The following KLHL32 variants were observed in gnomAD, a reference collection of about 807,000 sequenced individuals.
KLHL32 encodes the protein kelch like family member 32.
In KLHL32, 35 loss-of-function variants were observed where a neutral mutation model predicts 64.8. That is an observed-to-expected ratio of 0.54 (90% CI 0.41 to 0.72). The LOEUF (loss-of-function observed/expected upper bound fraction) is 0.72. KLHL32 is among the 30% of genes least tolerant of loss of function. The pLI is 0.00. For missense variants in KLHL32, 589 were observed against 768.5 expected, an observed-to-expected ratio of 0.77 and a Z score of 2.76; for synonymous variants, 259 against 281.0, an observed-to-expected ratio of 0.92 and a Z score of 0.78.
chr6:96,898,507 G>A, the KLHL32 span, among the ~76,000 whole-genome samples: 3 of 151,922 alleles, frequency 2.0e-5, no homozygotes, highest in South Asian at 4.2e-4. Context: ...TTTACATCCC[G>A]TTCTCATTTG....
At chr6:96,989,930 C>T (rs188880323) in intron 3 of KLHL32, among the ~76,000 whole-genome samples, 175 of 152,294 alleles carry the variant, frequency 1.1e-3, no homozygotes, top group African/African-American at 4.1e-3. Context: ...TGTTTGTCAG[C>T]TCTATCAGAT....
chr6:96,928,790 A>G (rs1769487414), intron 1 of KLHL32, among the ~76,000 whole-genome samples: 1 of 152,238 alleles, frequency 6.6e-6, no homozygotes, highest in African/African-American at 2.4e-5. Flanking sequence ...AAATTAGATG[A>G]TAAAAGATGT....
chr6:96,916,802 A>T, the KLHL32 span, among the ~76,000 whole-genome samples: 1 of 152,322 alleles, frequency 6.6e-6, no homozygotes, highest in South Asian at 2.1e-4. Context: ...ATGATTTATG[A>T]CCCAGATTAT....
intron 3 of KLHL32, among the ~76,000 whole-genome samples, chr6:97,010,527 A>G (rs965121454): frequency 5.3e-5 from 8 of 152,190 alleles, no homozygotes; most frequent in African/African-American, 1.9e-4. Context: ...ACTATTTCTG[A>G]TTATATATCA....
chr6:97,015,716 G>C (rs1347049998), intron 3 of KLHL32, among the ~76,000 whole-genome samples: 1 of 152,170 alleles, frequency 6.6e-6, no homozygotes, highest in Non-Finnish European at 1.5e-5. Context: ...AAGTAACAAG[G>C]AGCAGAATGT....
intron 1 of KLHL32, among the ~76,000 whole-genome samples, chr6:96,947,024 A>G (rs1238208259): frequency 6.6e-6 from 1 of 152,224 alleles, no homozygotes. Flanking sequence ...TTCTTGATTT[A>G]AAGCATTTGT....
intron 8 of KLHL32, among the ~76,000 whole-genome samples, chr6:97,128,521 C>T (rs116902294): frequency 7.2e-5 from 11 of 152,306 alleles, no homozygotes; most frequent in South Asian, 2.1e-4. Context: ...ATATTGTTTA[C>T]GGTGGGTACT....
intron 5 of KLHL32, among the ~76,000 whole-genome samples, chr6:97,076,153 A>G (rs1270378735): frequency 5.9e-5 from 9 of 152,174 alleles, no homozygotes; most frequent in Admixed American, 3.3e-4. Flanking sequence ...TAATGTCTCT[A>G]TCTGTTCTCC....
At chr6:96,946,232 A>G (rs1437290863) in intron 1 of KLHL32, among the ~76,000 whole-genome samples, 2 of 152,204 alleles carry the variant, frequency 1.3e-5, no homozygotes, top group African/African-American at 4.8e-5. Context: ...CAATCTAACC[A>G]TTAAGAATAG....
At chr6:97,126,949 A>G (rs886794445) in intron 7 of KLHL32, among the ~76,000 whole-genome samples, 1 of 152,066 alleles carries the variant, frequency 6.6e-6, no homozygotes, top group African/African-American at 2.4e-5. Flanking sequence ...ATATTTTTTG[A>G]TAAGTAATAT....
intron 4 of KLHL32, among the ~76,000 whole-genome samples, chr6:97,054,948 TAA>T (rs1787565305): frequency 6.6e-6 from 1 of 152,020 alleles, no homozygotes; most frequent in Non-Finnish European, 1.5e-5. Flanking sequence ...AAAAAAAATA[TAA>T]GAGAGGATAA....
At chr6:97,084,743 T>TA (rs1428037422) in intron 5 of KLHL32, among the ~76,000 whole-genome samples, 3 of 152,208 alleles carry the variant, frequency 2.0e-5, no homozygotes, top group Non-Finnish European at 4.4e-5. Flanking sequence ...TACCTGCCCT[T>TA]ACGTTATCTT....
chr6:96,976,787 C>CG (rs927329154), intron 3 of KLHL32, among the ~76,000 whole-genome samples: 2 of 151,972 alleles, frequency 1.3e-5, no homozygotes, highest in Admixed American at 6.6e-5. Context: ...TTAGTAGAGA[C>CG]GGGGTCTCAC....
At chr6:97,112,490 AG>A (rs1394334824) in intron 6 of KLHL32, among the ~76,000 whole-genome samples, 3 of 151,566 alleles carry the variant, frequency 2.0e-5, no homozygotes, top group African/African-American at 7.3e-5. Flanking sequence ...TCTGTTGCCC[AG>A]GCTGGAGTGC....
intron 7 of KLHL32, 122 bp from the exon 8 acceptor site, chr6:97,127,282 A>G (rs772396888): frequency 2.6e-6 from 2 of 765,102 alleles, no homozygotes; most frequent in Non-Finnish European, 4.5e-6. Context: ...TGGGCTCACC[A>G]TGAGGGTATA....
chr6:96,985,916 G>C (rs1167740616), intron 3 of KLHL32, among the ~76,000 whole-genome samples: 1 of 152,188 alleles, frequency 6.6e-6, no homozygotes, highest in Non-Finnish European at 1.5e-5. Context: ...TTGCTGGTGA[G>C]GAGCTGTGTC....
chr6:97,112,769 A>G (rs535795982), intron 6 of KLHL32, among the ~76,000 whole-genome samples: 1 of 151,380 alleles, frequency 6.6e-6, no homozygotes, highest in East Asian at 1.9e-4. Context: ...TAATTTTAAA[A>G]AAAAAAAGGA....
At chr6:96,934,514 G>A (rs1770335437) in intron 1 of KLHL32, among the ~76,000 whole-genome samples, 1 of 152,186 alleles carries the variant, frequency 6.6e-6, no homozygotes, top group Non-Finnish European at 1.5e-5. Context: ...GATACTCAGT[G>A]GACATTTAAA....
At chr6:96,939,881 C>A (rs762098914) in intron 1 of KLHL32, among the ~76,000 whole-genome samples, 4 of 151,846 alleles carry the variant, frequency 2.6e-5, no homozygotes, top group Non-Finnish European at 4.4e-5. Context: ...TGGTTCAGAT[C>A]AAAGGTCATA....
Sources: gnomAD v4.1 joint callset for allele counts (sites outside exome capture counted in the v4.1 genomes callset) on GRCh38, gnomAD v4.1.1 for gene constraint, MANE v1.5 for transcripts, NCBI Gene and HGNC (gene_info 2026-07-23, HGNC 2026-07-21) for gene names.